Variants in CELA2A observed in about 807,000 individuals in gnomAD.
CELA2A encodes chymotrypsin like elastase 2A.
CELA2A carries 31 observed loss-of-function variants against 35.3 expected under a neutral mutation model. The observed-to-expected ratio is 0.88, with a 90% CI of 0.66 to 1.19. The LOEUF is 1.19. CELA2A is among the 50% of genes most tolerant of loss of function. The pLI is 0.00. For missense variants in CELA2A, 330 were observed against 352.9 expected, an observed-to-expected ratio of 0.94 and a Z score of 0.52; for synonymous variants, 150 against 149.8, an observed-to-expected ratio of 1.00 and a Z score of -0.01.
chr1:15,470,061 A>G lies in CELA2A; in HGVS notation c.793-1929A>G, dbSNP rs577149015. Among the ~76,000 whole-genome samples, 63 of 152,286 alleles carry G rather than the reference A, an allele frequency of 4.1e-4. 1 individual carries two copies. The highest frequency in any genetic ancestry group is 1.4e-3 in the African/African-American group (58 of 41,574). ...GGATCCACGGGGCAGCACGCCTCGC[A>G]AGGCAGCTGGGCAGAGGCCCTGTGT... On this transcript the variant is annotated intron_variant, in intron 7 of 7. Coordinates refer to ENST00000359621, the MANE Select transcript of CELA2A (RefSeq NM_033440.3).
At chr1:15,463,580 C>T in intron 5 of CELA2A, 58 bp downstream of exon 5, 2 of 1,609,744 alleles carry the variant, frequency 1.2e-6, no homozygotes, top group South Asian at 2.2e-5. Flanking sequence ...TTCACGTCAC[C>T]CCTGTCTGGC....
chr1:15,465,639 A>C (rs1708506616), intron 5 of CELA2A, among the ~76,000 whole-genome samples: 2 of 152,202 alleles, frequency 1.3e-5, no homozygotes, highest in Non-Finnish European at 2.9e-5. Flanking sequence ...AGGGGCTGGA[A>C]ACCTGTAAGA....
At chr1:15,471,447 C>T (rs1708592947) in intron 7 of CELA2A, among the ~76,000 whole-genome samples, 1 of 152,188 alleles carries the variant, frequency 6.6e-6, no homozygotes, top group African/African-American at 2.4e-5. Context: ...ACCCGGGAGG[C>T]TGATGCATGA....
At chr1:15,459,228 A>G (rs1708400019) in intron 2 of CELA2A, among the ~76,000 whole-genome samples, 1 of 151,412 alleles carries the variant, frequency 6.6e-6, no homozygotes, top group Non-Finnish European at 1.5e-5. Context: ...GGCTGGTGAA[A>G]CATGGCTCAC....
At position 15,466,053 on chromosome 1, in the gene CELA2A, A is replaced by G. The variant is rs777325460; in HGVS notation, c.548A>G (p.Tyr183Cys). ...LQQGRLLVVDYATCSSSAWWG... is the reference protein window; with the variant it reads ...LQQGRLLVVDCATCSSSAWWG... ...CAGGGCCGGTTGCTGGTTGTGGACT[A>G]TGCCACCTGCTCCAGCTCTGCCTGG... The change falls in exon 6 of 8, where the codon TAT (tyrosine) becomes TGT (cysteine). Residue 183 changes from tyrosine to cysteine, a missense_variant. Tyr to Cys is a radical substitution (Grantham distance 194). Transcript: ENST00000359621. The G allele has an allele frequency of 1.2e-6, 2 of 1,614,086 alleles. No individual in the cohort carries two copies. The highest frequency in any genetic ancestry group is 1.7e-6 in the Non-Finnish European group (2 of 1,180,018).
At chr1:15,463,355 G>C (rs1461045317) in intron 4 of CELA2A, 31 bp from the exon 5 acceptor site, 1 of 1,612,654 alleles carries the variant, frequency 6.2e-7, no homozygotes, top group Non-Finnish European at 8.5e-7. Flanking sequence ...AGTCAACCCG[G>C]TCCTCATGCT....
chr1:15,469,007 G>C (rs72865184), intron 7 of CELA2A, among the ~76,000 whole-genome samples: 38,340 of 152,010 alleles, frequency 0.25, 5,740 homozygotes, highest in African/African-American at 0.41. Flanking sequence ...GGGAAACCCC[G>C]TCTCTACTAA....
At chr1:15,460,565 AG>A (rs1708420110) in intron 2 of CELA2A, among the ~76,000 whole-genome samples, 1 of 151,804 alleles carries the variant, frequency 6.6e-6, no homozygotes, top group Non-Finnish European at 1.5e-5. Flanking sequence ...ATTGAAAGAC[AG>A]GGGAGGAGGA....
rs565423879 is a variant in CELA2A, at chr1:15,464,043, C to T, written c.493+521C>T. On this transcript the variant is annotated intron_variant, in intron 5 of 7. Transcript: ENST00000359621. ...CTCCAGCCTGGGGGACAGAGCGAGA[C>T]TCCGCCTCAAAAACAAAAGGCATAA... Among the ~76,000 whole-genome samples, 4 of 152,244 alleles carry T rather than the reference C, an allele frequency of 2.6e-5. No homozygotes were observed. In the East Asian group the frequency reaches 7.7e-4, roughly 29 times the overall value.
intron 7 of CELA2A, among the ~76,000 whole-genome samples, chr1:15,471,547 A>G (rs1416134141): frequency 6.6e-6 from 1 of 152,094 alleles, no homozygotes; most frequent in East Asian, 1.9e-4. Flanking sequence ...GACTGTCTCA[A>G]AAAGAAAACA....
intron 3 of CELA2A, chr1:15,462,355 G>A (rs1372072259): frequency 5.2e-6 from 2 of 387,108 alleles, no homozygotes; most frequent in East Asian, 1.4e-4. Flanking sequence ...GTGGGACTCT[G>A]GGCCAGGTTA....
chr1:15,459,991 G>A (rs570671326), intron 2 of CELA2A, among the ~76,000 whole-genome samples: 1 of 151,070 alleles, frequency 6.6e-6, no homozygotes, highest in African/African-American at 2.4e-5. Flanking sequence ...CCTCACTAAC[G>A]AAGATGAATG....
chr1:15,462,732 G>C lies in CELA2A; in HGVS notation c.228-1G>C. 6.2e-7 allele frequency: 1 copy of C among 1,613,874 alleles called. No homozygotes were observed. The highest frequency in any genetic ancestry group is 2.2e-5 in the East Asian group (1 of 44,856). Reference sequence around the variant, plus strand: ...CTCTCCCTGGGCCCCCTTTCTCCCAGCTCCTCCAGGACCTACCGCGTGGGG... The same window carrying C: ...CTCTCCCTGGGCCCCCTTTCTCCCACCTCCTCCAGGACCTACCGCGTGGGG... On this transcript the variant is annotated splice_acceptor_variant, in intron 3 of 7. Coordinates refer to ENST00000359621, the MANE Select transcript of CELA2A (RefSeq NM_033440.3). LOFTEE classifies it high-confidence loss of function.
intron 3 of CELA2A, 61 bp downstream of exon 3, chr1:15,461,719 G>T: frequency 6.3e-7 from 1 of 1,587,420 alleles, no homozygotes; most frequent in Non-Finnish European, 8.7e-7. Context: ...TCTGAGCTGG[G>T]GGCTCAAATG....
intron 2 of CELA2A, among the ~76,000 whole-genome samples, chr1:15,459,684 T>G (rs1570795412): frequency 6.6e-6 from 1 of 152,178 alleles, no homozygotes; most frequent in Non-Finnish European, 1.5e-5. Flanking sequence ...TGAGAACCAG[T>G]GAATGTTAAT....
intron 3 of CELA2A, 129 bp downstream of exon 3, chr1:15,461,787 C>A (rs765103364): frequency 2.0e-5 from 21 of 1,032,028 alleles, no homozygotes; most frequent in Non-Finnish European, 2.7e-5. Flanking sequence ...GGCTGAGACA[C>A]AAGCTGTAGT....
intron 4 of CELA2A, 29 bp downstream of exon 4, chr1:15,462,890 G>T (rs545240114): frequency 6.2e-7 from 1 of 1,613,952 alleles, no homozygotes; most frequent in African/African-American, 1.3e-5. Flanking sequence ...GCACTTGGGG[G>T]TGAGGTTGTC....
intron 2 of CELA2A, 162 bp downstream of exon 2, chr1:15,457,336 G>A: frequency 1.5e-6 from 1 of 683,638 alleles, no homozygotes; most frequent in Admixed American, 2.5e-5. Context: ...TTCCGGCTGG[G>A]CGCAGTGGCT....
At position 15,471,951 on chromosome 1, in the gene CELA2A, G is replaced by C. The variant is rs200994382; in HGVS notation, c.793-39G>C. ...AGGAAACTGCCATGCACAGCTCTGC[G>C]GTTAGGTGAACCTGACGATTATCTT... On this transcript the variant is annotated intron_variant, in intron 7 of 7. Coordinates refer to ENST00000359621, the MANE Select transcript of CELA2A (RefSeq NM_033440.3). 4 of 1,613,822 alleles carry C rather than the reference G, an allele frequency of 2.5e-6. No individual in the cohort carries two copies. The South Asian group carries it at 4.4e-5, about 18-fold the overall frequency.
Sources: allele counts gnomAD v4.1 joint callset (sites outside exome capture counted in the v4.1 genomes callset), GRCh38; gene constraint gnomAD v4.1.1; transcripts MANE v1.5; gene names NCBI Gene and HGNC (gene_info 2026-07-23, HGNC 2026-07-21).